WDSUB1: variants seen among roughly 807,000 people sequenced by gnomAD.
WDSUB1 encodes the protein WD repeat, SAM and U-box domain-containing protein 1.
WDSUB1 carries 49 observed loss-of-function variants against 53.9 expected under a neutral mutation model. The ratio of observed to expected loss-of-function variants is 0.91; its 90% CI spans 0.72 to 1.15. The LOEUF is 1.15. Ranked by LOEUF, WDSUB1 falls within the 50% of genes most tolerant of loss-of-function variation. The probability of loss-of-function intolerance (pLI) is 0.00; values close to 1 mark genes in which losing one functional copy is unlikely to be tolerated. For synonymous variants in WDSUB1, 194 were observed against 200.6 expected, an observed-to-expected ratio of 0.97 and a Z score of 0.28; for missense variants, 514 against 562.0, an observed-to-expected ratio of 0.91 and a Z score of 0.86.
intron 10 of WDSUB1, among the ~76,000 whole-genome samples, chr2:159,244,964 A>G (rs1320022343): frequency 6.6e-6 from 1 of 152,192 alleles, no homozygotes; most frequent in Non-Finnish European, 1.5e-5. Flanking sequence ...TTTTAAAATA[A>G]GCTACCTAAA....
intron 10 of WDSUB1, among the ~76,000 whole-genome samples, chr2:159,242,569 C>T (rs1013879897): frequency 6.8e-6 from 1 of 147,390 alleles, no homozygotes; most frequent in Admixed American, 6.6e-5. Flanking sequence ...GCAGGAGAAT[C>T]GCTTGAACTG....
intron 1 of WDSUB1, among the ~76,000 whole-genome samples, chr2:159,285,792 C>T (rs2061780863): frequency 6.6e-6 from 1 of 152,144 alleles, no homozygotes; most frequent in Non-Finnish European, 1.5e-5. Context: ...TTCTTTTCTT[C>T]GAACATAAAC....
intron 10 of WDSUB1, among the ~76,000 whole-genome samples, chr2:159,247,894 T>TATATATATAA (rs2060840042): frequency 6.8e-5 from 3 of 43,808 alleles, no homozygotes; most frequent in East Asian, 9.6e-4. Flanking sequence ...TAAATATATA[T>TATATATATAA]ATATATATAT....
At chr2:159,265,102 A>AAAAAC (rs1553457380) in intron 5 of WDSUB1, among the ~76,000 whole-genome samples, 16 of 146,498 alleles carry the variant, frequency 1.1e-4, no homozygotes, top group African/African-American at 2.9e-4. Context: ...AAAAAAAATA[A>AAAAAC]AACAACAACA....
chr2:159,265,939 C>T (rs2061337852), intron 5 of WDSUB1, among the ~76,000 whole-genome samples: 1 of 152,158 alleles, frequency 6.6e-6, no homozygotes, highest in African/African-American at 2.4e-5. Context: ...ATATGTGAAG[C>T]AGATGTGAAA....
chr2:159,268,484 T>C (rs2061387562), intron 5 of WDSUB1, among the ~76,000 whole-genome samples: 2 of 152,170 alleles, frequency 1.3e-5, no homozygotes, highest in Non-Finnish European at 2.9e-5. Context: ...GACAACAACA[T>C]AACTAGTAAT....
At chr2:159,246,769 A>G (rs1390196928) in intron 10 of WDSUB1, among the ~76,000 whole-genome samples, 1 of 152,236 alleles carries the variant, frequency 6.6e-6, no homozygotes, top group Non-Finnish European at 1.5e-5. Context: ...ATGGATAAAC[A>G]TATTATGGCA....
intron 5 of WDSUB1, among the ~76,000 whole-genome samples, chr2:159,260,914 C>T (rs1312103993): frequency 6.6e-6 from 1 of 152,210 alleles, no homozygotes; most frequent in Non-Finnish European, 1.5e-5. Flanking sequence ...ACAGGATTCA[C>T]ACCTATTAGC....
At chr2:159,285,077 T>A (rs1353731699) in intron 1 of WDSUB1, among the ~76,000 whole-genome samples, 3 of 152,240 alleles carry the variant, frequency 2.0e-5, no homozygotes, top group Non-Finnish European at 2.9e-5. Context: ...CCGACTAGGA[T>A]GTAAATCCCA....
intron 10 of WDSUB1, among the ~76,000 whole-genome samples, chr2:159,245,950 A>T (rs1296946630): frequency 2.0e-5 from 3 of 152,188 alleles, no homozygotes; most frequent in Non-Finnish European, 4.4e-5. Flanking sequence ...CAAGACCAAG[A>T]GAAACTATGT....
At position 159,280,659 on chromosome 2, in the gene WDSUB1, C is replaced by G. The variant is rs975268453; in HGVS notation, c.399-714G>C. 8.8e-5 allele frequency among the ~76,000 whole-genome samples: 10 copies of G among 114,024 alleles called. No homozygotes were observed. In the East Asian group the frequency reaches 2.1e-3, roughly 24 times the overall value. The allele number at this position is 114,024 out of a possible 152,430, so 74.8% of individuals were successfully genotyped here. Reference sequence around the variant, plus strand: ...TGAGCCGAGATCCCGCCACTGCACTCCAGCCTGGGCGACAGAGCGAGACTC... The same window carrying G: ...TGAGCCGAGATCCCGCCACTGCACTGCAGCCTGGGCGACAGAGCGAGACTC... On this transcript the variant is annotated intron_variant, in intron 2 of 10. Transcript: ENST00000359774.
intron 1 of WDSUB1, among the ~76,000 whole-genome samples, chr2:159,285,395 C>T (rs6718625): frequency 0.57 from 86,479 of 151,596 alleles, 25,958 homozygotes; most frequent in African/African-American, 0.71. Flanking sequence ...GTCTTATTTA[C>T]GGAAACACCT....
chr2:159,259,989 T>A, intron 5 of WDSUB1, 146 bp from the exon 6 acceptor site: 1 of 961,290 alleles, frequency 1.0e-6, no homozygotes, highest in Non-Finnish European at 1.5e-6. Context: ...TTTGTTCATA[T>A]GCATGAAAAC....
chr2:159,252,496 C>T (rs2060972334), intron 9 of WDSUB1, among the ~76,000 whole-genome samples: 1 of 152,166 alleles, frequency 6.6e-6, no homozygotes, highest in African/African-American at 2.4e-5. Context: ...CCAGCATGTC[C>T]AACAAGTAAG....
chr2:159,271,725 A>C lies in WDSUB1; in HGVS notation c.747T>G (p.His249Gln). 1 of 1,614,178 alleles carries C rather than the reference A, an allele frequency of 6.2e-7. No homozygotes were observed. The highest frequency in any genetic ancestry group is 8.5e-7 in the Non-Finnish European group (1 of 1,180,012). Residue 249 changes from histidine to glutamine, a missense_variant, in exon 5 of 11, where the codon CAT becomes CAG. By Grantham distance (24) the His-to-Gln change is conservative (BLOSUM62 0). Transcript: ENST00000359774. Reference sequence around the variant, plus strand: ...ACCCTGAGACTAGCATCTGCCCATCATGGGAAAAAGCACAAGCCAGAACAG... The same window carrying C: ...ACCCTGAGACTAGCATCTGCCCATCCTGGGAAAAAGCACAAGCCAGAACAG... ...CAPVLACAFS[H>Q]DGQMLVSGSV...
intron 2 of WDSUB1, among the ~76,000 whole-genome samples, chr2:159,281,849 A>G (rs998004181): frequency 1.3e-5 from 2 of 152,040 alleles, no homozygotes; most frequent in African/African-American, 4.8e-5. Flanking sequence ...TGGTGGCAGG[A>G]GTCTGTAATC....
intron 5 of WDSUB1, among the ~76,000 whole-genome samples, chr2:159,268,109 TTGAG>T (rs2061379819): frequency 1.3e-5 from 2 of 152,198 alleles, no homozygotes; most frequent in Non-Finnish European, 2.9e-5. Context: ...TAACACAATA[TTGAG>T]TATCACTTAA....
intron 10 of WDSUB1, among the ~76,000 whole-genome samples, chr2:159,240,340 A>G (rs1384331620): frequency 6.6e-6 from 1 of 152,134 alleles, no homozygotes; most frequent in Non-Finnish European, 1.5e-5. Context: ...TGCCTGTACA[A>G]CTTTTTGTAT....
chr2:159,272,680 T>C (rs772030883), intron 4 of WDSUB1, among the ~76,000 whole-genome samples: 12 of 152,200 alleles, frequency 7.9e-5, no homozygotes, highest in Non-Finnish European at 1.6e-4. Flanking sequence ...AAAAAATGCT[T>C]ACAATTTTTT....
Sources: allele counts gnomAD v4.1 joint callset (sites outside exome capture counted in the v4.1 genomes callset), GRCh38; gene constraint gnomAD v4.1.1; transcripts MANE v1.5; gene names NCBI Gene and HGNC (gene_info 2026-07-23, HGNC 2026-07-21).